The following STK32B variants were observed in gnomAD, a reference collection of about 807,000 sequenced individuals.
STK32B encodes the protein serine/threonine kinase 32B, also known as serine/threonine-protein kinase 32B.
A neutral mutation model predicts 52.6 loss-of-function variants in STK32B; 43 were observed. The observed-to-expected ratio is 0.82, with a 90% confidence interval of 0.64 to 1.05. STK32B has a LOEUF of 1.05. STK32B is among the 50% of genes least tolerant of loss of function. The pLI is 0.00. For missense variants in STK32B, 621 were observed against 534.6 expected, an observed-to-expected ratio of 1.16 and a Z score of -1.59; for synonymous variants, 238 against 204.3, an observed-to-expected ratio of 1.17 and a Z score of -1.41.
chr4:5,434,317 G>A (rs953184234), intron 6 of STK32B, among the ~76,000 whole-genome samples: 2 of 151,930 alleles, frequency 1.3e-5, no homozygotes, highest in African/African-American at 4.8e-5. Context: ...TAATTCAATT[G>A]GAACCAAAAC....
chr4:5,192,095 G>A (rs1256869547), intron 3 of STK32B, among the ~76,000 whole-genome samples: 3 of 152,334 alleles, frequency 2.0e-5, no homozygotes, highest in Non-Finnish European at 4.4e-5. Context: ...ACTGATAAAC[G>A]GCCGCCTGGG....
chr4:5,486,678 T>G (rs1719237220), intron 11 of STK32B, among the ~76,000 whole-genome samples: 1 of 152,220 alleles, frequency 6.6e-6, no homozygotes, highest in African/African-American at 2.4e-5. Context: ...GCGTCGCTCA[T>G]GCTGGGAGCT....
chr4:5,345,980 CTGATGGGAATA>C, intron 4 of STK32B, among the ~76,000 whole-genome samples: 1 of 152,192 alleles, frequency 6.6e-6, no homozygotes, highest in South Asian at 2.1e-4. Context: ...TTTGCATGAA[CTGATGGGAATA>C]TCATTTGTGT....
At chr4:5,280,178 A>C (rs556427934) in intron 3 of STK32B, among the ~76,000 whole-genome samples, 27 of 152,274 alleles carry the variant, frequency 1.8e-4, no homozygotes, top group African/African-American at 6.3e-4. Flanking sequence ...TTTAAATATA[A>C]GTTCTAGTTT....
In STK32B at chr4:5,113,776, G is replaced by A. The variant is rs578159134; in HGVS notation, c.53-26129G>A. On this transcript the variant is annotated intron_variant, in intron 1 of 11. Transcript: ENST00000282908. ...GCTGATAAAGATATACCCAAGACTG[G>A]GCAATTTAAAAAAGAAAGAGGTTTA... 1.6e-4 allele frequency among the ~76,000 whole-genome samples: 24 copies of A among 152,172 alleles called. No homozygotes were observed. In the South Asian group the frequency reaches 4.4e-3, roughly 28 times the overall value.
chr4:5,416,464 G>A (rs1712168476), intron 5 of STK32B, among the ~76,000 whole-genome samples: 3 of 152,072 alleles, frequency 2.0e-5, no homozygotes, highest in African/African-American at 7.2e-5. Flanking sequence ...TCCTCTGGGT[G>A]GGAGAATCCT....
the STK32B span, among the ~76,000 whole-genome samples, chr4:5,025,994 T>C: frequency 6.6e-6 from 1 of 152,182 alleles, no homozygotes; most frequent in African/African-American, 2.4e-5. Context: ...GACACCTCTC[T>C]TAAGCCGCCT....
At chr4:5,316,177 AAC>A in intron 3 of STK32B, among the ~76,000 whole-genome samples, 4 of 93,384 alleles carry the variant, frequency 4.3e-5, no homozygotes, top group African/African-American at 2.0e-4. Flanking sequence ...ATATATATAT[AAC>A]TAAATATATA....
chr4:5,449,877 A>G (rs1715827908), intron 7 of STK32B, among the ~76,000 whole-genome samples: 3 of 152,190 alleles, frequency 2.0e-5, no homozygotes, highest in Admixed American at 2.0e-4. Context: ...GCCTAGTTGT[A>G]GGAAAACCAG....
intron 6 of STK32B, chr4:5,436,597 G>C: frequency 1.0e-6 from 1 of 985,414 alleles, no homozygotes; most frequent in Non-Finnish European, 1.2e-6. Context: ...GCTCCTAGGG[G>C]ACTAGAAGGG....
At chr4:5,259,776 A>G (rs1428991470) in intron 3 of STK32B, among the ~76,000 whole-genome samples, 4 of 152,164 alleles carry the variant, frequency 2.6e-5, no homozygotes, top group Non-Finnish European at 5.9e-5. Context: ...CACTCTAGTC[A>G]GGGAGACAGA....
At chr4:5,322,487 CAGG>C in intron 3 of STK32B, among the ~76,000 whole-genome samples, 1 of 152,166 alleles carries the variant, frequency 6.6e-6, no homozygotes, top group East Asian at 1.9e-4. Flanking sequence ...AGTAAAAACA[CAGG>C]AGATGAGTGT....
Position 5,299,872 on chromosome 4 carries a change from G to A in STK32B, c.261-31348G>A, listed in dbSNP as rs140228272. 1.7e-3 allele frequency among the ~76,000 whole-genome samples: 258 copies of A among 152,256 alleles called. 1 individual carries two copies. The highest frequency in any genetic ancestry group is 3.9e-3 in the South Asian group (19 of 4,828). On this transcript the variant is annotated intron_variant, in intron 3 of 11. Transcript: ENST00000282908. ...AATTCTACCAGATGTATGAAGAAGA[G>A]CTGGTACCAATCCACTGAAACTATT... is the stretch of plus-strand genomic sequence containing the variant.
intron 1 of STK32B, among the ~76,000 whole-genome samples, chr4:5,129,737 T>C (rs1715635158): frequency 6.6e-6 from 1 of 152,226 alleles, no homozygotes; most frequent in Non-Finnish European, 1.5e-5. Flanking sequence ...TCATTGTGCC[T>C]ATTTTATCAA....
intron 3 of STK32B, among the ~76,000 whole-genome samples, chr4:5,174,402 G>T (rs1455523825): frequency 6.6e-6 from 1 of 152,128 alleles, no homozygotes; most frequent in Non-Finnish European, 1.5e-5. Context: ...AGCCTCGATG[G>T]TCTTTACAAT....
intron 6 of STK32B, among the ~76,000 whole-genome samples, chr4:5,441,391 G>A (rs994982342): frequency 5.6e-4 from 85 of 150,604 alleles, no homozygotes; most frequent in African/African-American, 1.7e-3. Flanking sequence ...GTTTATTTGC[G>A]TAGAGGTGTT....
At chr4:5,228,955 G>A (rs758149028) in intron 3 of STK32B, among the ~76,000 whole-genome samples, 4 of 151,882 alleles carry the variant, frequency 2.6e-5, no homozygotes, top group Admixed American at 6.6e-5. Flanking sequence ...TGACAAGTGC[G>A]AAACTCCGTC....
intron 11 of STK32B, among the ~76,000 whole-genome samples, chr4:5,489,621 A>ATTTTTTTTTTTTTTT (rs1193462359): frequency 1.3e-5 from 2 of 151,588 alleles, no homozygotes; most frequent in East Asian, 4.0e-4. Flanking sequence ...TATTTTATTT[A>ATTTTTTTTTTTTTTT]TTTTTTATTA....
At chr4:5,148,114 T>A (rs1717058171) in intron 2 of STK32B, among the ~76,000 whole-genome samples, 1 of 151,912 alleles carries the variant, frequency 6.6e-6, no homozygotes, top group Non-Finnish European at 1.5e-5. Context: ...TTTTCGTATA[T>A]AACTTTTGGT....
Sources: allele counts gnomAD v4.1 joint callset (sites outside exome capture counted in the v4.1 genomes callset), GRCh38; gene constraint gnomAD v4.1.1; transcripts MANE v1.5; gene names NCBI Gene and HGNC (gene_info 2026-07-23, HGNC 2026-07-21).